ASPSCR1: variants seen among roughly 807,000 people sequenced by gnomAD.
The protein encoded by ASPSCR1 is ASPSCR1 tether for SLC2A4, UBX domain containing, also known as tether containing UBX domain for GLUT4.
Under a neutral mutation model 68.9 loss-of-function variants are expected in ASPSCR1, and 55 were observed. The observed-to-expected ratio is 0.80, with a 90% CI of 0.64 to 1.00. ASPSCR1 has a LOEUF of 1.00. Ranked by LOEUF, ASPSCR1 falls within the 50% of genes least tolerant of loss-of-function variation. ASPSCR1 has a pLI of 0.00. For missense variants in ASPSCR1, 765 were observed against 762.2 expected (o/e 1.00, Z -0.04); for synonymous variants, 352 against 332.6 (o/e 1.06, Z -0.63).
chr17:82,003,024 G>A (rs149000044), intron 7 of ASPSCR1, among the ~76,000 whole-genome samples: 7 of 151,810 alleles, frequency 4.6e-5, no homozygotes, highest in African/African-American at 1.2e-4. Flanking sequence ...ACAGGTGCCC[G>A]TTTAGTAGAG....
intron 7 of ASPSCR1, chr17:82,005,264 A>C (rs1221833713): frequency 6.6e-6 from 1 of 151,884 alleles, no homozygotes; most frequent in Non-Finnish European, 1.5e-5. Context: ...TGGCGGAAAC[A>C]TGAGGCCGCG....
Position 81,977,684 on chromosome 17 carries a change from C to T in ASPSCR1, c.38C>T (p.Ser13Leu). Residue 13 changes from serine to leucine, a missense_variant, in exon 1 of 16, where the codon TCG becomes TTG. Coordinates refer to ENST00000306739, the MANE Select transcript of ASPSCR1 (RefSeq NM_024083.4). This position sits in a 1 kb window ranked among gnomAD's most constrained non-coding sequence, Gnocchi z 5.0. ...APAGGGGSAV[S>L]VLAPNGRRHT... ...GCAGGCGGCGGAGGCTCCGCGGTGT[C>T]GGTGCTGGCCCCGAACGGCCGGCGC... 1.4e-6 allele frequency: 2 copies of T among 1,394,212 alleles called. No individual in the cohort carries two copies. The highest frequency in any genetic ancestry group is 1.9e-6 in the Non-Finnish European group (2 of 1,069,164). 86.4% of individuals were successfully genotyped at this position (1,394,212 alleles called of 1,614,324 possible).
intron 7 of ASPSCR1, among the ~76,000 whole-genome samples, chr17:81,997,549 G>A (rs770115444): frequency 1.3e-5 from 2 of 148,322 alleles, no homozygotes; most frequent in African/African-American, 5.0e-5. Context: ...GTACAGTGGC[G>A]CGATCTCGGC....
At position 81,985,002 on chromosome 17, in the gene ASPSCR1, A is replaced by C. The variant is rs1463821246; in HGVS notation, c.274-505A>C. On this transcript the variant is annotated intron_variant, in intron 3 of 15. Coordinates refer to ENST00000306739, the MANE Select transcript of ASPSCR1 (RefSeq NM_024083.4). Reference sequence around the variant, plus strand: ...CACACACCTGCGTGCACACCCCCCCACACACCTGCACACACCGCCCACACC... The same window carrying C: ...CACACACCTGCGTGCACACCCCCCCCCACACCTGCACACACCGCCCACACC... Among the ~76,000 whole-genome samples the C allele has an allele frequency of 5.7e-5, 3 of 52,980 alleles. 1 individual carries two copies. Among genetic ancestry groups the C allele is most frequent in the South Asian group, 1.4e-3 (2 of 1,466 alleles). The allele number at this position is 52,980 out of a possible 152,430, so 34.8% of individuals were successfully genotyped here.
chr17:81,999,562 G>A lies in ASPSCR1; in HGVS notation c.933+2716G>A, dbSNP rs1474738203. Among the ~76,000 whole-genome samples the A allele has an allele frequency of 6.6e-6, 1 of 151,920 alleles. No homozygotes were observed. Among genetic ancestry groups the A allele is most frequent in the Non-Finnish European group, 1.5e-5 (1 of 67,982 alleles). On this transcript the variant is annotated intron_variant, in intron 7 of 15. Transcript: ENST00000306739. This position sits in a 1 kb window ranked among gnomAD's most constrained non-coding sequence, Gnocchi z 4.4. Reference sequence around the variant, plus strand: ...GAATCTCTTGAACCCGGGAGGCGGAGGTTGCAGTGAGCCGAGATCGTGCCA... The same window carrying A: ...GAATCTCTTGAACCCGGGAGGCGGAAGTTGCAGTGAGCCGAGATCGTGCCA...
Position 81,983,718 on chromosome 17 carries a change from A to C in ASPSCR1, c.273+50A>C, listed in dbSNP as rs777370460. ...GACTGTGTGGGGCACAGGATCGTTC[A>C]GCTGGCCAGGGACGGGGGACGGGAC... is the stretch of plus-strand genomic sequence containing the variant. On this transcript the variant is annotated intron_variant, in intron 3 of 15. Transcript: ENST00000306739. The surrounding 1 kb of genome is among the most constrained non-coding windows in gnomAD (Gnocchi z 4.4). 33 of 1,471,464 alleles carry C rather than the reference A, an allele frequency of 2.2e-5. No individual in the cohort carries two copies. In the South Asian group the frequency reaches 3.3e-4, roughly 15 times the overall value. The allele number at this position is 1,471,464 out of a possible 1,614,324, so 91.2% of individuals were successfully genotyped here.
chr17:81,990,521 G>C lies in ASPSCR1; in HGVS notation c.375-4300G>C, dbSNP rs1038582478. ...GGATCTTCCACGCCGAGCTCTGGGG[G>C]ACACTGCTCTCTGCCTGCCTGGTGG... On this transcript the variant is annotated intron_variant, in intron 4 of 15. Coordinates refer to ENST00000306739, the MANE Select transcript of ASPSCR1 (RefSeq NM_024083.4). The surrounding 1 kb of genome is among the most constrained non-coding windows in gnomAD (Gnocchi z 4.1). 6.6e-6 allele frequency among the ~76,000 whole-genome samples: 1 copy of C among 151,714 alleles called. No homozygotes were observed. The highest frequency in any genetic ancestry group is 1.5e-5 in the Non-Finnish European group (1 of 67,944).
intron 4 of ASPSCR1, among the ~76,000 whole-genome samples, chr17:81,993,602 G>A (rs1370632827): frequency 1.3e-5 from 2 of 152,250 alleles, no homozygotes; most frequent in Non-Finnish European, 2.9e-5. Context: ...AAGCACACAG[G>A]TGGGTTCAGG....
intron 4 of ASPSCR1, among the ~76,000 whole-genome samples, chr17:81,988,850 A>G (rs2042078087): frequency 6.6e-6 from 1 of 152,126 alleles, no homozygotes; most frequent in South Asian, 2.1e-4. Context: ...GCACCTGGTC[A>G]CCCACCCCAG....
At chr17:82,001,314 G>C (rs922239974) in intron 7 of ASPSCR1, among the ~76,000 whole-genome samples, 2 of 152,164 alleles carry the variant, frequency 1.3e-5, no homozygotes, top group Non-Finnish European at 2.9e-5. Flanking sequence ...CTAGACAGGA[G>C]CCCCCACATC....
intron 5 of ASPSCR1, chr17:81,995,205 G>A (rs919286885): frequency 2.7e-5 from 13 of 476,162 alleles, no homozygotes; most frequent in Admixed American, 3.8e-5. Context: ...AAAGCCCGCC[G>A]TGGCGGGACC....
intron 5 of ASPSCR1, 134 bp from the exon 6 acceptor site, chr17:81,995,858 T>G: frequency 6.1e-5 from 49 of 804,580 alleles, no homozygotes; most frequent in Non-Finnish European, 8.4e-5. Context: ...AGGGGCCAGA[T>G]GTGGGGGGTG....
chr17:82,014,084 G>A (rs980547663), intron 12 of ASPSCR1: 2 of 152,248 alleles, frequency 1.3e-5, no homozygotes, highest in African/African-American at 2.4e-5. Flanking sequence ...CTGCCTCTGG[G>A]GACCGTCTGC....
intron 12 of ASPSCR1, chr17:82,015,119 G>A (rs756328516): frequency 3.8e-6 from 6 of 1,598,110 alleles, no homozygotes; most frequent in East Asian, 2.2e-5. Flanking sequence ...TGGGTCCCTC[G>A]CTGAAACGGT....
chr17:82,012,624 C>T (rs964629340), intron 12 of ASPSCR1, among the ~76,000 whole-genome samples: 1 of 152,096 alleles, frequency 6.6e-6, no homozygotes, highest in Non-Finnish European at 1.5e-5. Flanking sequence ...GAGGAAGGGC[C>T]CGGCAGGCCT....
In ASPSCR1 at chr17:81,985,497, T is replaced by G; in HGVS notation, c.274-10T>G. On this transcript the variant is annotated splice_polypyrimidine_tract_variant and intron_variant, in intron 3 of 15. Coordinates refer to ENST00000306739, the MANE Select transcript of ASPSCR1 (RefSeq NM_024083.4). ...TCCTAAGGAAGTTTCTCATGTCTTATACCCTCCAGGTTCGCATCGCTTTGC... is the reference window on the plus strand; with the variant it reads ...TCCTAAGGAAGTTTCTCATGTCTTAGACCCTCCAGGTTCGCATCGCTTTGC... The G allele has an allele frequency of 6.2e-7, 1 of 1,613,316 alleles. No homozygotes were observed. The highest frequency in any genetic ancestry group is 8.5e-7 in the Non-Finnish European group (1 of 1,179,398).
At chr17:82,011,792 G>A (rs1020952975) in intron 11 of ASPSCR1, among the ~76,000 whole-genome samples, 187 bp downstream of exon 11, 4 of 152,078 alleles carry the variant, frequency 2.6e-5, no homozygotes, top group Admixed American at 6.5e-5. Flanking sequence ...CCTTCTCCCC[G>A]AGCCAGGCGG....
chr17:82,007,500 G>C (rs953570029), intron 7 of ASPSCR1: 1 of 152,242 alleles, frequency 6.6e-6, no homozygotes. Context: ...ATGCGGACGT[G>C]GCAGCAGCCC....
chr17:81,996,194 T>G, intron 6 of ASPSCR1, 129 bp downstream of exon 6: 10 of 1,316,992 alleles, frequency 7.6e-6, no homozygotes, highest in Non-Finnish European at 1.0e-5. Context: ...GGAGAGCGCC[T>G]GGTGGCCTCT....
Sources: gnomAD v4.1 joint callset for allele counts (sites outside exome capture counted in the v4.1 genomes callset) on GRCh38, gnomAD v4.1.1 for gene constraint, Gnocchi (gnomAD v3.1) non-coding constraint, MANE v1.5 for transcripts, NCBI Gene and HGNC (gene_info 2026-07-23, HGNC 2026-07-21) for gene names.